SURF4: variants seen among roughly 807,000 people sequenced by gnomAD.
SURF4 encodes surfeit 4.
SURF4 carries 3 observed loss-of-function variants against 30.0 expected under a neutral mutation model. The ratio of observed to expected loss-of-function variants is 0.10; its 90% CI spans 0.05 to 0.26. The LOEUF is 0.26. Ranked by LOEUF, SURF4 falls within the 10% of genes least tolerant of loss-of-function variation. The probability of loss-of-function intolerance (pLI) is 1.00; values close to 1 mark genes in which losing one functional copy is unlikely to be tolerated. For missense variants in SURF4, 217 were observed against 350.8 expected, an observed-to-expected ratio of 0.62 and a Z score of 3.05; for synonymous variants, 143 against 139.9, an observed-to-expected ratio of 1.02 and a Z score of -0.16.
chr9:133,368,447 C>T (rs2130159090), intron 1 of SURF4, among the ~76,000 whole-genome samples: 12 of 152,234 alleles, frequency 7.9e-5, no homozygotes, highest in African/African-American at 9.6e-5. Flanking sequence ...CAGGATCTGA[C>T]GTGGGGACTG....
At position 133,364,926 on chromosome 9, in the gene SURF4, G is replaced by A. The variant is rs2130111254; in HGVS notation, c.457C>T (p.Pro153Ser). The stretch of plus-strand genomic sequence containing the variant: ...CCTCCGAGCTGCATGTACTGTTTGG[G>A]GGAGCTCTCACGCATGGTGGGGACG... ...AGVPTMRESSPKQYMQLGGRV... is the reference protein window; with the variant it reads ...AGVPTMRESSSKQYMQLGGRV... The change falls in exon 5 of 6, where the codon CCC becomes TCC. Residue 153 changes from proline (P) to serine (S), a missense_variant. Physicochemically the swap from Pro to Ser is moderately conservative, Grantham distance 74 (BLOSUM62 -1). Transcript: ENST00000371989. The A allele has an allele frequency of 6.2e-7, 1 of 1,613,972 alleles. No individual in the cohort carries two copies. Among genetic ancestry groups the A allele is most frequent in the East Asian group, 2.2e-5 (1 of 44,858 alleles).
In SURF4 at chr9:133,362,030, AG is replaced by A. The variant is rs1410971855; in HGVS notation, c.*1462del. The A allele has an allele frequency of 6.6e-6, 1 of 152,248 alleles. No individual in the cohort carries two copies. Among genetic ancestry groups the A allele is most frequent in the Non-Finnish European group, 1.5e-5 (1 of 68,046 alleles). The allele number at this position is 152,248 out of a possible 1,614,324, so 9.4% of individuals were successfully genotyped here. ...TTCGGGGGTAAGGAAGTAGGCTACCAGGGGAATATTTGCAAACGCGTTGGGA... is the reference window on the plus strand; with the variant it reads ...TTCGGGGGTAAGGAAGTAGGCTACCAGGGAATATTTGCAAACGCGTTGGGA... On this transcript the variant is annotated 3_prime_UTR_variant, in exon 6 of 6. Coordinates refer to ENST00000371989, the MANE Select transcript of SURF4 (RefSeq NM_033161.4).
At chr9:133,364,170 G>A (rs1424828794) in intron 5 of SURF4, among the ~76,000 whole-genome samples, 1 of 152,178 alleles carries the variant, frequency 6.6e-6, no homozygotes, top group Admixed American at 6.5e-5. Context: ...GGTGTGCTCT[G>A]GAAGCTCCTG....
At chr9:133,367,542 C>G in intron 1 of SURF4, 97 bp from the exon 2 acceptor site, 1 of 1,580,212 alleles carries the variant, frequency 6.3e-7, no homozygotes. Flanking sequence ...GAGGAACAGA[C>G]GCTGTGGAAG....
intron 3 of SURF4, 124 bp from the exon 4 acceptor site, chr9:133,366,152 T>G: frequency 2.1e-6 from 2 of 945,948 alleles, no homozygotes; most frequent in South Asian, 2.8e-5. Context: ...AAAACCATTG[T>G]AGGAGACCGA....
At chr9:133,364,526 A>G (rs1020186733) in intron 5 of SURF4, among the ~76,000 whole-genome samples, 2 of 152,054 alleles carry the variant, frequency 1.3e-5, no homozygotes, top group African/African-American at 4.8e-5. Context: ...CCCTGTCTCT[A>G]CTAAAAATAC....
intron 1 of SURF4, among the ~76,000 whole-genome samples, chr9:133,369,428 T>C (rs1837374114): frequency 6.6e-6 from 1 of 152,190 alleles, no homozygotes; most frequent in Non-Finnish European, 1.5e-5. Flanking sequence ...AGAGTGTCTC[T>C]ACTATCCTGC....
At position 133,363,608 on chromosome 9, in the gene SURF4, T is replaced by C. The variant is rs909631149; in HGVS notation, c.695A>G (p.His232Arg). The change falls in exon 6 of 6, where the codon CAT becomes CGT. Residue 232 changes from histidine to arginine, a missense_variant. His to Arg is a conservative substitution (Grantham distance 29). Coordinates refer to ENST00000371989, the MANE Select transcript of SURF4 (RefSeq NM_033161.4). This position sits in a 1 kb window ranked among gnomAD's most constrained non-coding sequence, Gnocchi z 4.3. Reference protein sequence around the residue: ...FWTIPVYKPMHDFLKYDFFQT... With the variant: ...FWTIPVYKPMRDFLKYDFFQT... Reference sequence around the variant, plus strand: ...GAAGAAGTCGTATTTCAGGAAGTCATGCATGGGCTTGTAGACTGGAATGGT... The same window carrying C: ...GAAGAAGTCGTATTTCAGGAAGTCACGCATGGGCTTGTAGACTGGAATGGT... The C allele has an allele frequency of 1.9e-6, 3 of 1,614,064 alleles. No individual in the cohort carries two copies. Among genetic ancestry groups the C allele is most frequent in the African/African-American group, 2.7e-5 (2 of 74,912 alleles).
upstream of SURF4, chr9:133,376,376 A>G (rs982715117): frequency 7.1e-7 from 1 of 1,413,116 alleles, no homozygotes; most frequent in African/African-American, 1.5e-5. Context: ...GAGTGCCTCG[A>G]GGGCGCCGTT....
intron 1 of SURF4, among the ~76,000 whole-genome samples, chr9:133,367,774 C>T (rs2130150271): frequency 1.3e-5 from 2 of 152,214 alleles, no homozygotes; most frequent in East Asian, 3.8e-4. Flanking sequence ...CAGGCAACTA[C>T]AGTCTTCCAA....
At chr9:133,371,466 C>T (rs1305453024) in intron 1 of SURF4, among the ~76,000 whole-genome samples, 1 of 152,190 alleles carries the variant, frequency 6.6e-6, no homozygotes, top group Non-Finnish European at 1.5e-5. Flanking sequence ...GAGATGATGG[C>T]CTGGCTTTAC....
In SURF4 at chr9:133,363,449, T is replaced by A; in HGVS notation, c.*44A>T. 6.2e-7 allele frequency: 1 copy of A among 1,614,206 alleles called. No individual in the cohort carries two copies. The highest frequency in any genetic ancestry group is 8.5e-7 in the Non-Finnish European group (1 of 1,180,036). On this transcript the variant is annotated 3_prime_UTR_variant, in exon 6 of 6. Coordinates refer to ENST00000371989, the MANE Select transcript of SURF4 (RefSeq NM_033161.4). This position sits in a 1 kb window ranked among gnomAD's most constrained non-coding sequence, Gnocchi z 4.3. Reference sequence around the variant, plus strand: ...GTTGAATCCACCCCGAACCAGTCCTTGACGGCCACGGGTCTTAGCCAGGCA... The same window carrying A: ...GTTGAATCCACCCCGAACCAGTCCTAGACGGCCACGGGTCTTAGCCAGGCA...
chr9:133,363,337 G>T lies in SURF4; in HGVS notation c.*156C>A. On this transcript the variant is annotated 3_prime_UTR_variant, in exon 6 of 6. Coordinates refer to ENST00000371989, the MANE Select transcript of SURF4 (RefSeq NM_033161.4). This position sits in a 1 kb window ranked among gnomAD's most constrained non-coding sequence, Gnocchi z 4.3. ...GAGCAGACTGAGCCATCGATTCTCA[G>T]GTGTCTCTGCAAATAAAGTTCTCAA... The T allele has an allele frequency of 2.5e-6, 3 of 1,218,130 alleles. No homozygotes were observed. Among genetic ancestry groups the T allele is most frequent in the Non-Finnish European group, 3.6e-6 (3 of 842,704 alleles). 75.5% of individuals were successfully genotyped at this position (1,218,130 alleles called of 1,614,324 possible).
At chr9:133,366,507 G>A in intron 3 of SURF4, 92 bp downstream of exon 3, 6 of 1,380,702 alleles carry the variant, frequency 4.3e-6, no homozygotes, top group Non-Finnish European at 5.1e-6. Flanking sequence ...GGGCTGAAGG[G>A]GGAGTGACAC....
intron 1 of SURF4, among the ~76,000 whole-genome samples, chr9:133,368,385 T>A (rs1448278441): frequency 6.6e-6 from 1 of 152,336 alleles, no homozygotes; most frequent in Admixed American, 6.5e-5. Context: ...TGTGTGCTGT[T>A]GCAAACCAGG....
At chr9:133,365,681 T>G (rs997469700) in intron 4 of SURF4, among the ~76,000 whole-genome samples, 1 of 152,236 alleles carries the variant, frequency 6.6e-6, no homozygotes, top group Admixed American at 6.5e-5. Flanking sequence ...CAAGCTTGGT[T>G]TAGACCCAGA....
At chr9:133,364,156 C>G (rs2130099164) in intron 5 of SURF4, among the ~76,000 whole-genome samples, 2 of 152,186 alleles carry the variant, frequency 1.3e-5, no homozygotes, top group Non-Finnish European at 2.9e-5. Context: ...CAGTCAGCTC[C>G]GGAGGTGTGC....
rs1424742492 is a variant in SURF4, at chr9:133,364,944, TG to T, written c.438del (p.Thr147ProfsTer21). 6.2e-7 allele frequency: 1 copy of T among 1,613,440 alleles called. No homozygotes were observed. The highest frequency in any genetic ancestry group is 2.2e-5 in the East Asian group (1 of 44,870). ...TGTTTGGGGGAGCTCTCACGCATGG[TG>T]GGGACGCCCGCAAACATGCTCTTCC... ...SEGKSMFAGV[P>X]TMRESSPKQY... On this transcript the variant is annotated frameshift_variant, in exon 5 of 6. Coordinates refer to ENST00000371989, the MANE Select transcript of SURF4 (RefSeq NM_033161.4). LOFTEE classifies it high-confidence loss of function.
At chr9:133,373,655 C>T (rs1374877983) in intron 1 of SURF4, among the ~76,000 whole-genome samples, 2 of 151,874 alleles carry the variant, frequency 1.3e-5, no homozygotes, top group East Asian at 1.9e-4. Context: ...GGGTGGCTCA[C>T]GCCTGTAATC....
Sources: allele counts gnomAD v4.1 joint callset (sites outside exome capture counted in the v4.1 genomes callset), GRCh38; gene constraint gnomAD v4.1.1; non-coding constraint Gnocchi (gnomAD v3.1); transcripts MANE v1.5; gene names NCBI Gene and HGNC (gene_info 2026-07-23, HGNC 2026-07-21).